The following SMAD5 variants were observed in gnomAD, a reference collection of about 807,000 sequenced individuals.
The protein encoded by SMAD5 is SMAD family member 5.
Under a neutral mutation model 43.1 loss-of-function variants are expected in SMAD5, and 9 were observed. The ratio of observed to expected loss-of-function variants is 0.21; its 90% confidence interval spans 0.13 to 0.36. The LOEUF (loss-of-function observed/expected upper bound fraction) is 0.36. Among genes scored for constraint, SMAD5 ranks in the 10% least tolerant of loss-of-function variants. The pLI, the probability that SMAD5 is intolerant of heterozygous loss-of-function variation, is 1.00. For missense variants in SMAD5, 348 were observed against 574.0 expected (o/e 0.61, Z 4.02); for synonymous variants, 190 against 192.4 (o/e 0.99, Z 0.10).
At chr5:136,136,506 T>C (rs1007068284) in intron 1 of SMAD5, among the ~76,000 whole-genome samples, 1 of 152,224 alleles carries the variant, frequency 6.6e-6, no homozygotes, top group African/African-American at 2.4e-5. Flanking sequence ...TAATCAGAAG[T>C]CTGAATCTGA....
intron 1 of SMAD5, among the ~76,000 whole-genome samples, chr5:136,137,197 T>G (rs1752914382): frequency 1.3e-5 from 2 of 151,944 alleles, no homozygotes; most frequent in Non-Finnish European, 2.9e-5. Flanking sequence ...AATACTATAA[T>G]TGTAATTCAC....
intron 5 of SMAD5, among the ~76,000 whole-genome samples, chr5:136,164,037 TA>T (rs1445950675): frequency 6.6e-6 from 1 of 151,870 alleles, no homozygotes; most frequent in African/African-American, 2.4e-5. Context: ...ACAATAAAAA[TA>T]AAAAATTACC....
At chr5:136,169,116 G>T (rs911653747) in intron 5 of SMAD5, among the ~76,000 whole-genome samples, 6 of 152,162 alleles carry the variant, frequency 3.9e-5, no homozygotes, top group African/African-American at 1.4e-4. Context: ...GCAGCCTTCA[G>T]TCTGTGGCCA....
intron 5 of SMAD5, among the ~76,000 whole-genome samples, chr5:136,168,701 C>A (rs1754105401): frequency 6.6e-6 from 1 of 152,204 alleles, no homozygotes; most frequent in African/African-American, 2.4e-5. Flanking sequence ...CTTAAAAATT[C>A]TCTGTGCTCT....
rs1414822858 is a variant in SMAD5, at chr5:136,154,105, A to T, written c.345A>T (p.Gly115=). 6 of 1,590,932 alleles carry T rather than the reference A, an allele frequency of 3.8e-6. No individual in the cohort carries two copies. Among genetic ancestry groups the T allele is most frequent in the Non-Finnish European group, 5.1e-6 (6 of 1,168,118 alleles). The change falls in exon 3 of 8, where the codon GGA becomes GGT. Residue 115 remains glycine (G), a synonymous_variant. Transcript: ENST00000545279. ...TGGATATTTGTGAATTTCCTTTTGG[A>T]TCTAAGCAAAAAGAAGTTTGTATCA... is the stretch of plus-strand genomic sequence containing the variant. ...KPLDICEFPF[G]SKQKEVCINP...
At chr5:136,143,515 C>T (rs1753160173) in intron 1 of SMAD5, among the ~76,000 whole-genome samples, 1 of 152,044 alleles carries the variant, frequency 6.6e-6, no homozygotes, top group African/African-American at 2.4e-5. Context: ...CCTGTTTGAC[C>T]TTCATTCTGT....
At chr5:136,173,249 G>C (rs1437836242) in intron 6 of SMAD5, among the ~76,000 whole-genome samples, 1 of 152,100 alleles carries the variant, frequency 6.6e-6, no homozygotes, top group African/African-American at 2.4e-5. Context: ...AACAAACCGG[G>C]CCCTTTTCAT....
At chr5:136,172,900 A>T (rs1481431360) in intron 6 of SMAD5, 1 of 490,338 alleles carries the variant, frequency 2.0e-6, no homozygotes, top group Admixed American at 3.4e-5. Context: ...TTGTTTTTTG[A>T]GTGTTACCCT....
intron 1 of SMAD5, among the ~76,000 whole-genome samples, chr5:136,145,588 G>C (rs1437203699): frequency 6.6e-6 from 1 of 151,930 alleles, no homozygotes; most frequent in African/African-American, 2.4e-5. Flanking sequence ...GTACATGACT[G>C]TATGCTTATT....
At chr5:136,160,284 A>G (rs1483174325) in intron 3 of SMAD5, among the ~76,000 whole-genome samples, 1 of 152,202 alleles carries the variant, frequency 6.6e-6, no homozygotes, top group East Asian at 1.9e-4. Flanking sequence ...AGAAAGATCA[A>G]AGTGTTCATA....
rs1580806963 is a variant in SMAD5 at position 136,177,791 on chromosome 5, A to G, written c.*311A>G. ...GCCCTAACAATTTTTTATTAAATTT[A>G]TTTGAAAATGCATCACATGATGAAA... On this transcript the variant is annotated 3_prime_UTR_variant, in exon 8 of 8. Transcript: ENST00000545279. The G allele has an allele frequency of 4.4e-6, 1 of 228,168 alleles. No homozygotes were observed. The highest frequency in any genetic ancestry group is 8.5e-6 in the Non-Finnish European group (1 of 117,254). The allele number at this position is 228,168 out of a possible 1,614,324, so 14.1% of individuals were successfully genotyped here.
At chr5:136,146,365 T>C (rs1468860932) in intron 1 of SMAD5, among the ~76,000 whole-genome samples, 2 of 151,786 alleles carry the variant, frequency 1.3e-5, no homozygotes, top group Non-Finnish European at 3.0e-5. Context: ...AGAGGTGATG[T>C]AGAAGAGTAT....
At chr5:136,156,326 C>G (rs923299068) in intron 3 of SMAD5, among the ~76,000 whole-genome samples, 2 of 152,150 alleles carry the variant, frequency 1.3e-5, no homozygotes, top group Admixed American at 1.3e-4. Flanking sequence ...ATAGGTCATA[C>G]TCATACTCAA....
rs184899552 is a variant in SMAD5, at chr5:136,159,049, T to A, written c.404-1807T>A. On this transcript the variant is annotated intron_variant, in intron 3 of 7. Coordinates refer to ENST00000545279, the MANE Select transcript of SMAD5 (RefSeq NM_005903.7). ...TGGAATGTACTTAAAATTAAACAAA[T>A]GAAGAAACAAGGCAATGGTTAACTT... 3.4e-3 allele frequency among the ~76,000 whole-genome samples: 514 copies of A among 152,272 alleles called. 7 individuals are homozygous for A. The highest frequency in any genetic ancestry group is 0.012 in the African/African-American group (478 of 41,558).
chr5:136,150,221 G>T (rs1413468980), intron 2 of SMAD5, among the ~76,000 whole-genome samples: 2 of 151,312 alleles, frequency 1.3e-5, no homozygotes, highest in Admixed American at 1.3e-4. Flanking sequence ...GGCTAAACCT[G>T]TATCTCCAGT....
At position 136,168,890 on chromosome 5, in the gene SMAD5, T is replaced by C. The variant is rs2149778422; in HGVS notation, c.776-3544T>C. 2.0e-5 allele frequency among the ~76,000 whole-genome samples: 3 copies of C among 152,334 alleles called. No individual in the cohort carries two copies. In the South Asian group the frequency reaches 6.2e-4, roughly 32 times the overall value. On this transcript the variant is annotated intron_variant, in intron 5 of 7. Coordinates refer to ENST00000545279, the MANE Select transcript of SMAD5 (RefSeq NM_005903.7). ...TTCTCCATGTCTTTTTATGGCTTGA[T>C]AGCTCATTTCTTTTTAGCATCTCTA...
At chr5:136,137,582 C>A (rs1432733703) in intron 1 of SMAD5, among the ~76,000 whole-genome samples, 1 of 152,152 alleles carries the variant, frequency 6.6e-6, no homozygotes. Context: ...GTGTTAGGAT[C>A]TGCCTAGTAT....
At chr5:136,147,105 G>A (rs1753284431) in intron 1 of SMAD5, among the ~76,000 whole-genome samples, 1 of 151,598 alleles carries the variant, frequency 6.6e-6, no homozygotes, top group South Asian at 2.1e-4. Context: ...TTTAAAAAGT[G>A]GTACATTGTC....
intron 2 of SMAD5, among the ~76,000 whole-genome samples, chr5:136,149,446 G>C (rs543540104): frequency 1.1e-4 from 16 of 150,332 alleles, no homozygotes; most frequent in African/African-American, 3.9e-4. Context: ...ATCAATATAT[G>C]AGAGTTCCAG....
Sources: allele counts gnomAD v4.1 joint callset (sites outside exome capture counted in the v4.1 genomes callset), GRCh38; gene constraint gnomAD v4.1.1; transcripts MANE v1.5; gene names NCBI Gene and HGNC (gene_info 2026-07-23, HGNC 2026-07-21).